The following ADTRP variants were observed in gnomAD, a reference collection of about 807,000 sequenced individuals.
The protein encoded by ADTRP is androgen-dependent TFPI-regulating protein.
Under a neutral mutation model 27.0 loss-of-function variants are expected in ADTRP, and 20 were observed. The observed-to-expected ratio is 0.74, with a 90% CI of 0.52 to 1.08. ADTRP has a LOEUF of 1.08. Ranked by LOEUF, ADTRP falls within the 50% of genes least tolerant of loss-of-function variation. ADTRP has a pLI of 0.00. For missense variants in ADTRP, 251 were observed against 275.0 expected (o/e 0.91, Z 0.62); for synonymous variants, 101 against 105.2 (o/e 0.96, Z 0.25).
intron 4 of ADTRP, among the ~76,000 whole-genome samples, chr6:11,732,002 G>T (rs1762406662): frequency 6.6e-6 from 1 of 152,166 alleles, no homozygotes; most frequent in Non-Finnish European, 1.5e-5. Context: ...GGAGAACTAG[G>T]TGAGGTGTTT....
At chr6:11,753,189 G>T (rs984820594) in intron 3 of ADTRP, among the ~76,000 whole-genome samples, 1 of 152,170 alleles carries the variant, frequency 6.6e-6, no homozygotes, top group Non-Finnish European at 1.5e-5. Flanking sequence ...AAGAAATTTT[G>T]CTCCTCCTCA....
At chr6:11,769,609 G>C (rs1763697594) in intron 1 of ADTRP, among the ~76,000 whole-genome samples, 1 of 152,030 alleles carries the variant, frequency 6.6e-6, no homozygotes, top group African/African-American at 2.4e-5. Flanking sequence ...TATCTGGGTG[G>C]GATGAGGGGA....
chr6:11,747,858 T>C (rs1022284473), intron 3 of ADTRP, among the ~76,000 whole-genome samples: 4 of 152,208 alleles, frequency 2.6e-5, no homozygotes, highest in Non-Finnish European at 4.4e-5. Flanking sequence ...CTCTCTTTCA[T>C]CTGGTTACTG....
chr6:11,738,027 G>A (rs546116260), intron 3 of ADTRP, among the ~76,000 whole-genome samples: 2 of 152,186 alleles, frequency 1.3e-5, no homozygotes, highest in Non-Finnish European at 2.9e-5. Flanking sequence ...ATAAAATGGG[G>A]ACAATAAATA....
At chr6:11,755,946 T>A (rs1428450089) in intron 3 of ADTRP, among the ~76,000 whole-genome samples, 1 of 152,240 alleles carries the variant, frequency 6.6e-6, no homozygotes, top group South Asian at 2.1e-4. Context: ...TGGCTTAGTT[T>A]ATGTATCTCT....
chr6:11,715,110 T>C lies in ADTRP; in HGVS notation c.659-598A>G, dbSNP rs369981545. On this transcript the variant is annotated intron_variant, in intron 5 of 5. Transcript: ENST00000414691. ...TCCATATTTAATGATCATAAATCTT[T>C]GTGTAAGCTCTGCAATTTGTGAAAT... 8.5e-5 allele frequency among the ~76,000 whole-genome samples: 13 copies of C among 152,252 alleles called. No individual in the cohort carries two copies. The East Asian group carries it at 9.6e-4, about 11-fold the overall frequency.
At chr6:11,717,355 G>T (rs1476780726) in intron 5 of ADTRP, 1 of 1,304,238 alleles carries the variant, frequency 7.7e-7, no homozygotes, top group African/African-American at 1.5e-5. Context: ...TTCCAATCGG[G>T]CCACTGGAAG....
chr6:11,743,119 C>T (rs1260378144), intron 3 of ADTRP, among the ~76,000 whole-genome samples: 1 of 152,254 alleles, frequency 6.6e-6, no homozygotes, highest in Admixed American at 6.5e-5. Context: ...GTCTGTTCTG[C>T]AGCCCCTTTG....
intron 1 of ADTRP, among the ~76,000 whole-genome samples, chr6:11,772,497 G>A (rs1005224645): frequency 6.6e-6 from 1 of 152,166 alleles, no homozygotes; most frequent in Non-Finnish European, 1.5e-5. Flanking sequence ...CTTAGGAAAT[G>A]AGAATTTCTT....
intron 3 of ADTRP, among the ~76,000 whole-genome samples, chr6:11,760,299 G>A (rs1180217523): frequency 2.0e-5 from 3 of 152,162 alleles, no homozygotes; most frequent in Non-Finnish European, 4.4e-5. Flanking sequence ...CAGCGAGTAC[G>A]AAATTGCCAA....
chr6:11,721,463 A>T (rs186490530), intron 5 of ADTRP, among the ~76,000 whole-genome samples: 291 of 152,374 alleles, frequency 1.9e-3, no homozygotes, highest in African/African-American at 6.6e-3. Flanking sequence ...AGCTTTCAGC[A>T]ATGTAAAAGT....
chr6:11,762,078 C>T (rs12211506), intron 3 of ADTRP, among the ~76,000 whole-genome samples: 100,406 of 152,048 alleles, frequency 0.66, 33,703 homozygotes, highest in East Asian at 0.95. Flanking sequence ...GGTCAGAATG[C>T]TAATGATATC....
At chr6:11,746,875 C>T (rs1444468240) in intron 3 of ADTRP, among the ~76,000 whole-genome samples, 1 of 152,166 alleles carries the variant, frequency 6.6e-6, no homozygotes, top group Non-Finnish European at 1.5e-5. Flanking sequence ...AGGGCTCAAC[C>T]TCCTGCTCAG....
rs149252730 is a variant in ADTRP, at chr6:11,764,540, G to T, written c.390+1734C>A. 2.2e-3 allele frequency among the ~76,000 whole-genome samples: 304 copies of T among 138,022 alleles called. 1 individual carries two copies. The highest frequency in any genetic ancestry group is 0.016 in the South Asian group (71 of 4,382). The allele number at this position is 138,022 out of a possible 152,430, so 90.5% of individuals were successfully genotyped here. On this transcript the variant is annotated intron_variant, in intron 3 of 5. Transcript: ENST00000414691. ...TTTGGTTTAGTAGCATACAGATGAG[G>T]ATTCTTTTTTTTTTTTTAAGTAAGA... is the stretch of plus-strand genomic sequence containing the variant.
chr6:11,764,894 TAAAAAA>T (rs34204085), intron 3 of ADTRP, among the ~76,000 whole-genome samples: 5 of 122,328 alleles, frequency 4.1e-5, no homozygotes, highest in African/African-American at 1.2e-4. Context: ...TACCATTTCT[TAAAAAA>T]AAAAAAAAAA....
chr6:11,772,120 G>A (rs578080088), intron 1 of ADTRP, among the ~76,000 whole-genome samples: 35 of 152,296 alleles, frequency 2.3e-4, no homozygotes, highest in Middle Eastern at 3.4e-3. Flanking sequence ...AAGCCCAGAC[G>A]TAACGGCATC....
At chr6:11,728,422 G>T in intron 4 of ADTRP, 1 of 152,654 alleles carries the variant, frequency 6.6e-6, no homozygotes, top group Non-Finnish European at 1.5e-5. Flanking sequence ...GCAGTTTCTT[G>T]GCTTTCACAC....
intron 4 of ADTRP, among the ~76,000 whole-genome samples, chr6:11,727,600 C>A (rs866241617): frequency 3.6e-4 from 55 of 152,208 alleles, no homozygotes; most frequent in Middle Eastern, 3.4e-3. Flanking sequence ...ATAAGGACAT[C>A]CCCCCAGAGG....
chr6:11,749,056 G>A (rs1169114327), intron 3 of ADTRP, among the ~76,000 whole-genome samples: 1 of 152,252 alleles, frequency 6.6e-6, no homozygotes, highest in Admixed American at 6.5e-5. Context: ...GGACCAGTTT[G>A]GAGATGTTGT....
Sources: allele counts gnomAD v4.1 joint callset (sites outside exome capture counted in the v4.1 genomes callset), GRCh38; gene constraint gnomAD v4.1.1; transcripts MANE v1.5; gene names NCBI Gene and HGNC (gene_info 2026-07-23, HGNC 2026-07-21).